Variants in AFF2 observed in about 807,000 individuals in gnomAD.
AFF2 encodes the protein ALF transcription elongation factor 2, also known as AF4/FMR2 family member 2.
A neutral mutation model predicts 76.9 loss-of-function variants in AFF2; 14 were observed. That is an observed-to-expected ratio of 0.18 (90% CI 0.12 to 0.28). The LOEUF is 0.28. Ranked by LOEUF, AFF2 falls within the 10% of genes least tolerant of loss-of-function variation. The pLI is 1.00. For synonymous variants in AFF2, 398 were observed against 366.7 expected (o/e 1.09, Z -0.98); for missense variants, 868 against 1,001.1 (o/e 0.87, Z 1.79).
intron 1 of AFF2, among the ~76,000 whole-genome samples, chrX:148,602,817 T>C (rs1202658129): frequency 1.8e-5 from 1 of 55,027 alleles, no homozygotes; most frequent in African/African-American, 6.8e-5. Context: ...AGTAGCCACT[T>C]CAAAAGTTTT....
At chrX:148,505,135 A>G (rs970589735) in intron 1 of AFF2, among the ~76,000 whole-genome samples, 6 of 111,833 alleles carry the variant, frequency 5.4e-5, no homozygotes, top group Non-Finnish European at 1.1e-4. Flanking sequence ...TACAGTATGC[A>G]TTCTCCCGTG....
At chrX:148,919,884 ACT>A (rs2071573800) in intron 9 of AFF2, among the ~76,000 whole-genome samples, 2 of 112,500 alleles carry the variant, frequency 1.8e-5, no homozygotes, top group South Asian at 7.3e-4. Flanking sequence ...AATTCTGATT[ACT>A]CAAAAGTTCT....
At chrX:148,632,783 C>T (rs2053992861) in intron 1 of AFF2, among the ~76,000 whole-genome samples, 1 of 111,658 alleles carries the variant, frequency 9.0e-6, no homozygotes, top group Non-Finnish European at 1.9e-5. Flanking sequence ...TTGCTTAGCA[C>T]ACTGGAAACT....
chrX:148,879,085 G>T (rs2071067660), intron 7 of AFF2, among the ~76,000 whole-genome samples: 1 of 111,834 alleles, frequency 8.9e-6, no homozygotes, highest in South Asian at 3.7e-4. Context: ...CATACTATTA[G>T]ATTTGGCTTG....
At chrX:148,882,499 A>C (rs2124134256) in intron 7 of AFF2, among the ~76,000 whole-genome samples, 1 of 112,204 alleles carries the variant, frequency 8.9e-6, no homozygotes, top group South Asian at 3.7e-4. Context: ...AAGGAGGTCT[A>C]ATTGGTTCTG....
At chrX:148,694,432 A>G (rs1569553421) in intron 3 of AFF2, among the ~76,000 whole-genome samples, 1 of 112,153 alleles carries the variant, frequency 8.9e-6, no homozygotes, top group Non-Finnish European at 1.9e-5. Context: ...CTCTCAACTC[A>G]AGGGTGTGGG....
intron 1 of AFF2, among the ~76,000 whole-genome samples, chrX:148,626,630 A>G (rs950658861): frequency 4.5e-5 from 5 of 110,849 alleles, no homozygotes; most frequent in Non-Finnish European, 9.4e-5. Context: ...GTTTTAGGAA[A>G]GAATTCTTCC....
intron 3 of AFF2, among the ~76,000 whole-genome samples, chrX:148,681,055 G>C (rs1308186449): frequency 8.9e-6 from 1 of 111,766 alleles, no homozygotes; most frequent in Non-Finnish European, 1.9e-5. Flanking sequence ...GCGGTAGTGA[G>C]AGAAAACTTG....
intron 1 of AFF2, among the ~76,000 whole-genome samples, chrX:148,557,653 A>G (rs1286409720): frequency 8.9e-6 from 1 of 112,596 alleles, no homozygotes; most frequent in Non-Finnish European, 1.9e-5. Context: ...CTCTTGCATT[A>G]GAGATTAAAT....
chrX:148,923,512 G>T (rs1187713942), intron 9 of AFF2, among the ~76,000 whole-genome samples: 1 of 110,589 alleles, frequency 9.0e-6, no homozygotes, highest in Non-Finnish European at 1.9e-5. Flanking sequence ...CTCTACTACT[G>T]TTTGCAAAAA....
intron 9 of AFF2, among the ~76,000 whole-genome samples, chrX:148,945,496 C>G (rs970953897): frequency 5.4e-5 from 6 of 111,948 alleles, no homozygotes; most frequent in Non-Finnish European, 1.9e-5. Flanking sequence ...TCTGAATAGC[C>G]CCATGTAGAT....
chrX:148,764,581 A>G (rs1473297759), intron 3 of AFF2, among the ~76,000 whole-genome samples: 1 of 111,688 alleles, frequency 9.0e-6, no homozygotes, highest in East Asian at 2.8e-4. Context: ...TTTTATTTCT[A>G]TTTTTCTTGA....
chrX:148,573,331 A>T (rs1376253730), intron 1 of AFF2, among the ~76,000 whole-genome samples: 2 of 110,999 alleles, frequency 1.8e-5, no homozygotes, highest in Non-Finnish European at 3.8e-5. Context: ...AGCAAGGGAG[A>T]CAGAAGAAAC....
chrX:148,928,091 A>G (rs966322480), intron 9 of AFF2, among the ~76,000 whole-genome samples: 3 of 111,837 alleles, frequency 2.7e-5, no homozygotes, highest in Non-Finnish European at 5.6e-5. Context: ...AATCAATACC[A>G]TAAGAGTGTG....
rs200851333 is a variant in AFF2 at position 148,977,914 on chromosome X, T to C, written c.3405-19T>C. 8.6e-7 allele frequency: 1 copy of C among 1,165,141 alleles called. No homozygotes were observed. Among genetic ancestry groups the C allele is most frequent in the Non-Finnish European group, 1.2e-6 (1 of 853,532 alleles). On this transcript the variant is annotated intron_variant, in intron 16 of 20. Transcript: ENST00000370460. ...AGGGTAATACAGATTCCACTTTAGC[T>C]TTTCTTTTCTCTTCAAAGGTATGCA... is the stretch of plus-strand genomic sequence containing the variant.
rs186215375 is a variant in AFF2 at position 148,963,155 on chromosome X, A to G, written c.2913+218A>G. On this transcript the variant is annotated intron_variant, in intron 13 of 20. Transcript: ENST00000370460. ...TCATTAGGGATTATAAATGATACAG[A>G]TGTTATTATGACAATGATAATGCTT... is the stretch of plus-strand genomic sequence containing the variant. Among the ~76,000 whole-genome samples, 138 of 111,998 alleles carry G rather than the reference A, an allele frequency of 1.2e-3. 1 individual carries two copies. Among genetic ancestry groups the G allele is most frequent in the African/African-American group, 4.2e-3 (131 of 30,869 alleles).
chrX:148,624,399 A>G (rs1034154909), intron 1 of AFF2, among the ~76,000 whole-genome samples: 12 of 112,243 alleles, frequency 1.1e-4, no homozygotes, highest in Non-Finnish European at 2.1e-4. Flanking sequence ...TTTTAAAGCA[A>G]TGCAGCCATA....
At chrX:148,983,953 C>CAAAAGAAAAAAAAAAA (rs2072427682) in intron 19 of AFF2, among the ~76,000 whole-genome samples, 1 of 29,124 alleles carries the variant, frequency 3.4e-5, no homozygotes, top group Non-Finnish European at 5.9e-5. Context: ...GTGAAATAGA[C>CAAAAGAAAAAAAAAAA]AAAAAAAAAA....
At chrX:148,753,161 C>A (rs1307024549) in intron 3 of AFF2, among the ~76,000 whole-genome samples, 1 of 111,450 alleles carries the variant, frequency 9.0e-6, no homozygotes, top group Non-Finnish European at 1.9e-5. Flanking sequence ...TGAAACCATA[C>A]CAGAATCACT....
Sources: allele counts gnomAD v4.1 joint callset (sites outside exome capture counted in the v4.1 genomes callset), GRCh38; gene constraint gnomAD v4.1.1; transcripts MANE v1.5; gene names NCBI Gene and HGNC (gene_info 2026-07-23, HGNC 2026-07-21).